The following SIPA1L1 variants were observed in gnomAD, a reference collection of about 807,000 sequenced individuals.
The protein encoded by SIPA1L1 is signal induced proliferation associated 1 like 1.
In SIPA1L1, 26 loss-of-function variants were observed where a neutral mutation model predicts 162.7. That is an observed-to-expected ratio of 0.16 (90% CI 0.12 to 0.22). SIPA1L1 has a LOEUF of 0.22. SIPA1L1 is among the 10% of genes least tolerant of loss of function. SIPA1L1 has a pLI of 1.00. For synonymous variants in SIPA1L1, 829 were observed against 837.4 expected (o/e 0.99, Z 0.17); for missense variants, 1,874 against 2,241.0 (o/e 0.84, Z 3.31).
At chr14:71,692,750 C>A (rs775009589) in intron 13 of SIPA1L1, among the ~76,000 whole-genome samples, 9 of 152,210 alleles carry the variant, frequency 5.9e-5, no homozygotes, top group Non-Finnish European at 1.3e-4. Context: ...ACTTACTCAT[C>A]ATTCCTTGGG....
intron 7 of SIPA1L1, 36 bp from the exon 8 acceptor site, chr14:71,650,299 C>A: frequency 3.7e-6 from 6 of 1,608,102 alleles, no homozygotes; most frequent in Non-Finnish European, 5.1e-6. Flanking sequence ...GTGGATCTGC[C>A]TATATTTATA....
At chr14:71,653,937 A>G (rs934402266) in intron 8 of SIPA1L1, among the ~76,000 whole-genome samples, 1 of 152,206 alleles carries the variant, frequency 6.6e-6, no homozygotes, top group Non-Finnish European at 1.5e-5. Context: ...GTGTTCAGAG[A>G]AAGCATAAAT....
chr14:71,591,426 TTAAAG>T (rs1305188344), intron 5 of SIPA1L1, among the ~76,000 whole-genome samples: 2 of 152,186 alleles, frequency 1.3e-5, no homozygotes, highest in African/African-American at 4.8e-5. Flanking sequence ...ATGGAGAATC[TTAAAG>T]TATTTTATCT....
intron 4 of SIPA1L1, among the ~76,000 whole-genome samples, chr14:71,568,145 A>G (rs184733003): frequency 5.9e-5 from 9 of 152,224 alleles, no homozygotes; most frequent in African/African-American, 1.9e-4. Flanking sequence ...GTGACTTAGA[A>G]TGCCTAACCT....
chr14:71,728,672 T>C (rs1337626580), intron 19 of SIPA1L1, among the ~76,000 whole-genome samples: 1 of 152,242 alleles, frequency 6.6e-6, no homozygotes, highest in Non-Finnish European at 1.5e-5. Context: ...TCATTCTCTC[T>C]CTGCCCCTTC....
At chr14:71,348,504 G>A (rs2036392136) in intron 2 of SIPA1L1, among the ~76,000 whole-genome samples, 1 of 152,098 alleles carries the variant, frequency 6.6e-6, no homozygotes, top group Non-Finnish European at 1.5e-5. Context: ...TTTGATGGAT[G>A]TTTGAGTTTC....
chr14:71,595,308 A>G (rs2035904420), intron 5 of SIPA1L1, among the ~76,000 whole-genome samples: 1 of 152,204 alleles, frequency 6.6e-6, no homozygotes, highest in Admixed American at 6.5e-5. Context: ...CCCTTTAGAA[A>G]GTTCACGTGA....
At position 71,502,153 on chromosome 14, in the gene SIPA1L1, G is replaced by A. The variant is rs911293900; in HGVS notation, c.-464-10590G>A. On this transcript the variant is annotated intron_variant, in intron 2 of 23. Coordinates refer to ENST00000381232, the MANE Select transcript of SIPA1L1 (RefSeq NM_001386936.1). ...TTAGAATTCTTCAGTATTAGCCATG[G>A]TTGTTCTTAAAAACCATTTTACCTT... Among the ~76,000 whole-genome samples the A allele has an allele frequency of 2.1e-5, 3 of 142,724 alleles. No individual in the cohort carries two copies. The East Asian group carries it at 6.1e-4, about 29-fold the overall frequency. 93.6% of individuals were successfully genotyped at this position (142,724 alleles called of 152,430 possible).
chr14:71,684,170 C>T (rs1316499690), intron 12 of SIPA1L1, among the ~76,000 whole-genome samples: 6 of 152,204 alleles, frequency 3.9e-5, no homozygotes, highest in Admixed American at 2.0e-4. Flanking sequence ...TGGCAGCAGA[C>T]GCCATTGCTC....
intron 2 of SIPA1L1, among the ~76,000 whole-genome samples, chr14:71,468,552 G>A (rs563499957): frequency 1.3e-5 from 2 of 152,226 alleles, no homozygotes; most frequent in South Asian, 2.1e-4. Flanking sequence ...CAAGGGGATG[G>A]TTTTAAGCCA....
At chr14:71,398,618 T>G (rs1428962995) in intron 2 of SIPA1L1, among the ~76,000 whole-genome samples, 6 of 152,196 alleles carry the variant, frequency 3.9e-5, no homozygotes, top group Non-Finnish European at 8.8e-5. Context: ...CTTTGTAATC[T>G]CGGAATGACT....
intron 4 of SIPA1L1, among the ~76,000 whole-genome samples, chr14:71,543,790 A>T (rs1459722165): frequency 6.8e-6 from 1 of 147,758 alleles, no homozygotes; most frequent in East Asian, 2.0e-4. Context: ...TTGTAAGATT[A>T]TATATGTATA....
Position 71,709,303 on chromosome 14 carries a change from T to C in SIPA1L1, c.3847T>C (p.Tyr1283His). 1 of 1,614,176 alleles carries C rather than the reference T, an allele frequency of 6.2e-7. No homozygotes were observed. Among genetic ancestry groups the C allele is most frequent in the South Asian group, 1.1e-5 (1 of 91,082 alleles). The change falls in exon 17 of 24, where the codon TAC (tyrosine) becomes CAC (histidine). Residue 1283 changes from tyrosine to histidine, a missense_variant. By Grantham distance (83) the Tyr-to-His change is moderately conservative. Coordinates refer to ENST00000381232, the MANE Select transcript of SIPA1L1 (RefSeq NM_001386936.1). ...ASSAHSDEKW[Y>H]DGDRTESELN... ...AAGTGCCCATAGTGATGAGAAGTGGTACGATGGGGACCGCACAGAATCCGA... is the reference window on the plus strand; with the variant it reads ...AAGTGCCCATAGTGATGAGAAGTGGCACGATGGGGACCGCACAGAATCCGA...
At chr14:71,525,668 T>C (rs541967212) in intron 3 of SIPA1L1, among the ~76,000 whole-genome samples, 3 of 152,306 alleles carry the variant, frequency 2.0e-5, no homozygotes, top group African/African-American at 7.2e-5. Flanking sequence ...AAACTTCCTG[T>C]CTATTTAATC....
At chr14:71,535,997 C>T (rs1764435211) in intron 4 of SIPA1L1, among the ~76,000 whole-genome samples, 1 of 152,108 alleles carries the variant, frequency 6.6e-6, no homozygotes, top group Non-Finnish European at 1.5e-5. Flanking sequence ...CTGTCTGTTG[C>T]CTTGCCATCC....
intron 2 of SIPA1L1, among the ~76,000 whole-genome samples, chr14:71,467,583 A>G (rs2047101072): frequency 1.3e-5 from 2 of 152,196 alleles, no homozygotes; most frequent in Admixed American, 1.3e-4. Context: ...CAGTTTTCAA[A>G]AAAGTATGTG....
intron 21 of SIPA1L1, among the ~76,000 whole-genome samples, chr14:71,734,306 T>C (rs758703460): frequency 3.3e-5 from 5 of 152,256 alleles, no homozygotes; most frequent in African/African-American, 4.8e-5. Flanking sequence ...GTGCTCGCTT[T>C]AGGCTGGCGG....
At chr14:71,661,959 T>C (rs2043559061) in intron 10 of SIPA1L1, among the ~76,000 whole-genome samples, 2 of 152,350 alleles carry the variant, frequency 1.3e-5, no homozygotes, top group Non-Finnish European at 2.9e-5. Flanking sequence ...TGTTTCAGTG[T>C]TACTTGTTGA....
intron 12 of SIPA1L1, among the ~76,000 whole-genome samples, chr14:71,684,946 C>T (rs144873810): frequency 1.2e-3 from 178 of 152,218 alleles, no homozygotes; most frequent in Admixed American, 1.9e-3. Flanking sequence ...GCTGCTCATA[C>T]ACCCTTTCAG....
Sources: gnomAD v4.1 joint callset for allele counts (sites outside exome capture counted in the v4.1 genomes callset) on GRCh38, gnomAD v4.1.1 for gene constraint, MANE v1.5 for transcripts, NCBI Gene and HGNC (gene_info 2026-07-23, HGNC 2026-07-21) for gene names.